Variants in ADGRD1 observed in about 807,000 individuals in gnomAD.
ADGRD1 encodes G-protein coupled receptor 133.
In ADGRD1, 77 loss-of-function variants were observed where a neutral mutation model predicts 113.4. That is an observed-to-expected ratio of 0.68 (90% CI 0.57 to 0.82). The LOEUF is 0.82. Ranked by LOEUF, ADGRD1 falls within the 40% of genes least tolerant of loss-of-function variation. The pLI, the probability that ADGRD1 is intolerant of heterozygous loss-of-function variation, is 0.00. For synonymous variants in ADGRD1, 474 were observed against 475.0 expected (o/e 1.00, Z 0.03); for missense variants, 1,036 against 1,139.1 (o/e 0.91, Z 1.30).
chr12:131,116,417 G>A lies in ADGRD1; in HGVS notation c.2042-1968G>A, dbSNP rs139827662. The stretch of plus-strand genomic sequence containing the variant: ...GACATTTAAAACCAAGTATTTCAGA[G>A]ACAAGACTGTCCAGGAAATGTCTTT... On this transcript the variant is annotated intron_variant, in intron 18 of 24. Coordinates refer to ENST00000261654, the MANE Select transcript of ADGRD1 (RefSeq NM_198827.5). Among the ~76,000 whole-genome samples the A allele has an allele frequency of 3.7e-3, 533 of 143,778 alleles. 8 individuals carry two copies. Among genetic ancestry groups the A allele is most frequent in the East Asian group, 6.6e-3 (34 of 5,186 alleles). The allele number at this position is 143,778 out of a possible 152,430, so 94.3% of individuals were successfully genotyped here.
chr12:131,021,760 T>C (rs1476049621), intron 13 of ADGRD1, among the ~76,000 whole-genome samples: 1 of 152,092 alleles, frequency 6.6e-6, no homozygotes, highest in Non-Finnish European at 1.5e-5. Context: ...CAGGCTGGAG[T>C]GCAGAGGTGC....
At chr12:131,111,533 G>A (rs1408993081) in intron 18 of ADGRD1, among the ~76,000 whole-genome samples, 3 of 151,978 alleles carry the variant, frequency 2.0e-5, no homozygotes, top group South Asian at 4.1e-4. Context: ...CCCATTATGA[G>A]TAGGTTGGTG....
At chr12:130,996,094 G>C (rs575017795) in intron 8 of ADGRD1, among the ~76,000 whole-genome samples, 1 of 152,294 alleles carries the variant, frequency 6.6e-6, no homozygotes, top group East Asian at 1.9e-4. Flanking sequence ...AGGTTTGGGG[G>C]TAAGGTCATA....
At position 131,088,065 on chromosome 12, in the gene ADGRD1, G is replaced by A. The variant is rs779552322; in HGVS notation, c.1671+3402G>A. On this transcript the variant is annotated intron_variant, in intron 15 of 24. Transcript: ENST00000261654. ...ACAGGGCTCCCTTTGGGCTTCCCTC[G>A]TGGTGTCGTAGGGAGCAGCCCAGGG... Among the ~76,000 whole-genome samples the A allele has an allele frequency of 5.9e-5, 9 of 152,216 alleles. No homozygotes were observed. In the East Asian group the frequency reaches 7.8e-4, roughly 13 times the overall value.
In ADGRD1 at chr12:130,982,055, G is replaced by A. The variant is rs1444701659; in HGVS notation, c.482G>A (p.Ser161Asn). ...TCCATGACATGGGAGGCCTCCTTCAGCCCCCCAGGTGAGTGACAGCATCGG... is the reference window on the plus strand; with the variant it reads ...TCCATGACATGGGAGGCCTCCTTCAACCCCCCAGGTGAGTGACAGCATCGG... The part of the protein sequence containing the change: ...DNSMTWEASF[S>N]PPGPYWTHVL... The change falls in exon 5 of 25, where the codon AGC becomes AAC. Residue 161 changes from serine to asparagine, a missense_variant. Transcript: ENST00000261654. The A allele has an allele frequency of 6.2e-7, 1 of 1,613,424 alleles. No homozygotes were observed. The highest frequency in any genetic ancestry group is 8.5e-7 in the Non-Finnish European group (1 of 1,179,720).
rs1262928116 is a variant in ADGRD1, at chr12:131,047,287, TGGA to T, written c.1474-29508_1474-29506del. Among the ~76,000 whole-genome samples, 14 of 152,324 alleles carry T rather than the reference TGGA, an allele frequency of 9.2e-5. No homozygotes were observed. The South Asian group carries it at 2.9e-3, about 32-fold the overall frequency. ...CAGTCTCTGTCCTTGTGTGCTGGCCTGGAGGAGGGGAGTCAGGTGATCCACGGC... is the reference window on the plus strand; with the variant it reads ...CAGTCTCTGTCCTTGTGTGCTGGCCTGGAGGGGAGTCAGGTGATCCACGGC... On this transcript the variant is annotated intron_variant, in intron 13 of 24. Transcript: ENST00000261654.
chr12:131,086,898 TATTAA>T (rs888319546), intron 15 of ADGRD1, among the ~76,000 whole-genome samples: 10 of 152,346 alleles, frequency 6.6e-5, no homozygotes, highest in African/African-American at 2.4e-4. Flanking sequence ...ATTTTATTTT[TATTAA>T]ATTAAATAAA....
chr12:131,056,832 A>C (rs1200069516), intron 13 of ADGRD1, among the ~76,000 whole-genome samples: 1 of 152,100 alleles, frequency 6.6e-6, no homozygotes, highest in Non-Finnish European at 1.5e-5. Flanking sequence ...AACAAAGCAC[A>C]CGCTTCTGGA....
Position 131,048,980 on chromosome 12 carries a change from G to GGA in ADGRD1, c.1474-27807_1474-27806dup, listed in dbSNP as rs147551497. On this transcript the variant is annotated intron_variant, in intron 13 of 24. Coordinates refer to ENST00000261654, the MANE Select transcript of ADGRD1 (RefSeq NM_198827.5). ...CAAGGAGAATGGGTTTTAAGGGATG[G>GGA]GAGAGAGAGAGAGAGGGTGAGAATG... Among the ~76,000 whole-genome samples the GGA allele has an allele frequency of 4.6e-4, 70 of 151,682 alleles. 1 individual carries two copies. The highest frequency in any genetic ancestry group is 1.3e-3 in the Admixed American group (20 of 15,244).
At chr12:131,067,025 G>A (rs896404980) in intron 13 of ADGRD1, among the ~76,000 whole-genome samples, 3 of 152,158 alleles carry the variant, frequency 2.0e-5, no homozygotes, top group African/African-American at 7.2e-5. Flanking sequence ...GCAGGTAGAC[G>A]GGGCTGCCGC....
At position 130,971,342 on chromosome 12, in the gene ADGRD1, T is replaced by G; in HGVS notation, c.188-116T>G. On this transcript the variant is annotated intron_variant, in intron 3 of 24. Coordinates refer to ENST00000261654, the MANE Select transcript of ADGRD1 (RefSeq NM_198827.5). The surrounding 1 kb of genome is among the most constrained non-coding windows in gnomAD (Gnocchi z 4.2). ...AATATATGATGTTATAAATATATAC[T>G]TAGATAAATAATAATGCATACTTAC... 3 of 546,986 alleles carry G rather than the reference T, an allele frequency of 5.5e-6. 1 individual carries two copies. Among genetic ancestry groups the G allele is most frequent in the South Asian group, 6.1e-5 (2 of 32,542 alleles). 33.9% of individuals were successfully genotyped at this position (546,986 alleles called of 1,614,324 possible).
intron 20 of ADGRD1, among the ~76,000 whole-genome samples, chr12:131,123,337 G>A (rs892459912): frequency 2.0e-5 from 3 of 151,562 alleles, no homozygotes; most frequent in East Asian, 2.0e-4. Flanking sequence ...GAGCCACTGC[G>A]CCCGGCCCTG....
rs1398266445 is a variant in ADGRD1, at chr12:131,050,223, C to A, written c.1474-26578C>A. 1.3e-5 allele frequency among the ~76,000 whole-genome samples: 2 copies of A among 151,790 alleles called. No homozygotes were observed. The highest frequency in any genetic ancestry group is 4.8e-5 in the African/African-American group (2 of 41,386). On this transcript the variant is annotated intron_variant, in intron 13 of 24. Transcript: ENST00000261654. The surrounding 1 kb of genome is among the most constrained non-coding windows in gnomAD (Gnocchi z 4.8). ...TTGAAATCACCATCGTCATCGTCAT[C>A]ATCATCATCATCATCAATGAGATTC...
At position 130,966,675 on chromosome 12, in the gene ADGRD1, G is replaced by T; in HGVS notation, c.187+129G>T. The T allele has an allele frequency of 1.5e-6, 1 of 677,322 alleles. No homozygotes were observed. 42.0% of individuals were successfully genotyped at this position (677,322 alleles called of 1,614,324 possible). On this transcript the variant is annotated intron_variant, in intron 3 of 24. Coordinates refer to ENST00000261654, the MANE Select transcript of ADGRD1 (RefSeq NM_198827.5). The surrounding 1 kb of genome is among the most constrained non-coding windows in gnomAD (Gnocchi z 4.6). ...GGGGACGTGGGTGCTGAGAGTGACTGTGGGCCGGGGAATCCCAGGGCCATC... is the reference window on the plus strand; with the variant it reads ...GGGGACGTGGGTGCTGAGAGTGACTTTGGGCCGGGGAATCCCAGGGCCATC...
At position 131,139,342 on chromosome 12, in the gene ADGRD1, A is replaced by C; in HGVS notation, c.*79A>C. 2.1e-6 allele frequency: 2 copies of C among 965,480 alleles called. No individual in the cohort carries two copies. The highest frequency in any genetic ancestry group is 3.2e-6 in the Non-Finnish European group (2 of 626,696). The allele number at this position is 965,480 out of a possible 1,614,324, so 59.8% of individuals were successfully genotyped here. A position where few individuals can be genotyped will look rare whatever the true frequency, so the allele number is the denominator to read the frequency against. On this transcript the variant is annotated 3_prime_UTR_variant, in exon 25 of 25. Transcript: ENST00000261654. ...AGAATGAAATGCCCCACCTTTGCCC[A>C]TGGACCCTCTCCTTGCTGCTGTCTG...
At chr12:131,044,754 G>A (rs1882502850) in intron 13 of ADGRD1, among the ~76,000 whole-genome samples, 2 of 152,164 alleles carry the variant, frequency 1.3e-5, no homozygotes, top group South Asian at 4.1e-4. Flanking sequence ...ACACACACAC[G>A]ACGGCATCAC....
intron 17 of ADGRD1, among the ~76,000 whole-genome samples, chr12:131,108,292 C>T (rs1950277038): frequency 6.6e-6 from 1 of 152,208 alleles, no homozygotes; most frequent in South Asian, 2.1e-4. Flanking sequence ...AGGCTCCACA[C>T]CTCTCTGGGA....
In ADGRD1 at chr12:131,140,518, G is replaced by A. The variant is rs1951217966; in HGVS notation, c.*1255G>A. On this transcript the variant is annotated 3_prime_UTR_variant, in exon 25 of 25. Transcript: ENST00000261654. ...ATACGGGCTGTGAGGTTCATACTGT[G>A]CTGATAGCACTCGTGGTGTCTGTGA... 6.6e-6 allele frequency: 1 copy of A among 151,986 alleles called. No homozygotes were observed. Among genetic ancestry groups the A allele is most frequent in the African/African-American group, 2.4e-5 (1 of 41,370 alleles). The allele number at this position is 151,986 out of a possible 1,614,324, so 9.4% of individuals were successfully genotyped here.
In ADGRD1 at chr12:131,101,425, C is replaced by T. The variant is rs1323034191; in HGVS notation, c.1672-3406C>T. On this transcript the variant is annotated intron_variant, in intron 15 of 24. Transcript: ENST00000261654. ...TTTTTGAGATGGAGTCTGGCTCTGT[C>T]GCCCAGGCTGGAGTGCAAGTGGCAC... Among the ~76,000 whole-genome samples the T allele has an allele frequency of 8.4e-5, 9 of 107,432 alleles. No individual in the cohort carries two copies. The Admixed American group carries it at 1.0e-3, about 12-fold the overall frequency. 70.5% of individuals were successfully genotyped at this position (107,432 alleles called of 152,430 possible).
Sources: gnomAD v4.1 joint callset for allele counts (sites outside exome capture counted in the v4.1 genomes callset) on GRCh38, gnomAD v4.1.1 for gene constraint, Gnocchi (gnomAD v3.1) non-coding constraint, MANE v1.5 for transcripts, NCBI Gene and HGNC (gene_info 2026-07-23, HGNC 2026-07-21) for gene names.